The following SNAP91 variants were observed in gnomAD, a reference collection of about 807,000 sequenced individuals.
SNAP91 encodes clathrin coat assembly protein AP180.
SNAP91 carries 27 observed loss-of-function variants against 100.3 expected under a neutral mutation model. That is an observed-to-expected ratio of 0.27 (90% CI 0.20 to 0.37). The LOEUF is 0.37. Among genes scored for constraint, SNAP91 ranks in the 10% least tolerant of loss-of-function variants. The pLI, the probability that SNAP91 is intolerant of heterozygous loss-of-function variation, is 1.00. For synonymous variants in SNAP91, 404 were observed against 398.6 expected (o/e 1.01, Z -0.16); for missense variants, 986 against 1,123.7 (o/e 0.88, Z 1.75).
chr6:83,605,232 A>G (rs998884655), intron 14 of SNAP91, among the ~76,000 whole-genome samples: 2 of 152,158 alleles, frequency 1.3e-5, no homozygotes, highest in African/African-American at 2.4e-5. Context: ...GTCAAATACA[A>G]TGTGAATAAA....
At chr6:83,698,010 C>T (rs967271265) in intron 2 of SNAP91, among the ~76,000 whole-genome samples, 6 of 151,976 alleles carry the variant, frequency 3.9e-5, no homozygotes, top group Admixed American at 3.3e-4. Flanking sequence ...CATGTAGGCA[C>T]TGAAAAGAAA....
intron 8 of SNAP91, among the ~76,000 whole-genome samples, chr6:83,636,897 C>T (rs946261421): frequency 2.0e-5 from 3 of 151,888 alleles, no homozygotes; most frequent in East Asian, 3.9e-4. Flanking sequence ...TATAGTTGAT[C>T]GGTTTCGTTT....
intron 9 of SNAP91, among the ~76,000 whole-genome samples, chr6:83,619,125 C>T (rs2096613846): frequency 6.7e-6 from 1 of 148,712 alleles, no homozygotes; most frequent in Admixed American, 6.7e-5. Context: ...AAAAAAAAAT[C>T]ACAATAGCTG....
Position 83,601,337 on chromosome 6 carries a change from C to G in SNAP91, c.1258G>C (p.Ala420Pro). ...PPTTTAEIAT[A>P]SASASTTTTV... The stretch of plus-strand genomic sequence containing the variant: ...GTAGTAGTGGAGGCAGAAGCTGAGG[C>G]AGTTGCAATTTCAGCAGTTGTAGTA... Residue 420 changes from alanine to proline, a missense_variant, in exon 16 of 30, where the codon GCC (alanine) becomes CCC (proline). Ala to Pro is a conservative substitution (Grantham distance 27, BLOSUM62 -1). Transcript: ENST00000369694. 6.2e-7 allele frequency: 1 copy of G among 1,613,584 alleles called. No individual in the cohort carries two copies. The highest frequency in any genetic ancestry group is 2.2e-5 in the East Asian group (1 of 44,872).
At chr6:83,667,447 G>A (rs1328742201) in intron 2 of SNAP91, among the ~76,000 whole-genome samples, 2 of 151,820 alleles carry the variant, frequency 1.3e-5, no homozygotes, top group African/African-American at 4.8e-5. Context: ...CTTTTATTGA[G>A]TAAGAAATTA....
chr6:83,622,822 G>T (rs1190405680), intron 9 of SNAP91, among the ~76,000 whole-genome samples: 1 of 151,924 alleles, frequency 6.6e-6, no homozygotes, highest in Non-Finnish European at 1.5e-5. Flanking sequence ...TTTATACATG[G>T]ACATTTCTCC....
At chr6:83,598,398 T>C (rs2094750836) in intron 16 of SNAP91, among the ~76,000 whole-genome samples, 1 of 152,196 alleles carries the variant, frequency 6.6e-6, no homozygotes, top group Non-Finnish European at 1.5e-5. Context: ...ATTACTTGTG[T>C]ATCAATAAGA....
intron 9 of SNAP91, among the ~76,000 whole-genome samples, chr6:83,622,142 T>G (rs2128406311): frequency 6.6e-6 from 1 of 152,182 alleles, no homozygotes; most frequent in Middle Eastern, 3.4e-3. Context: ...CACTGTTTTC[T>G]CATAGTAGCA....
chr6:83,692,347 T>C (rs2099141795), intron 2 of SNAP91, among the ~76,000 whole-genome samples: 1 of 152,062 alleles, frequency 6.6e-6, no homozygotes, highest in Non-Finnish European at 1.5e-5. Context: ...AAACCCCATC[T>C]CTACTAAAAA....
At chr6:83,557,526 T>C (rs933887610) in intron 28 of SNAP91, among the ~76,000 whole-genome samples, 2 of 150,448 alleles carry the variant, frequency 1.3e-5, no homozygotes, top group Non-Finnish European at 1.5e-5. Flanking sequence ...AAAAAAAAAA[T>C]AGCTGGGCAC....
At chr6:83,605,862 T>G in intron 13 of SNAP91, 59 bp from the exon 14 acceptor site, 3 of 1,348,856 alleles carry the variant, frequency 2.2e-6, no homozygotes, top group Non-Finnish European at 3.0e-6. Flanking sequence ...TAAAGGTGTT[T>G]TTGAATAAAG....
intron 9 of SNAP91, among the ~76,000 whole-genome samples, chr6:83,617,366 C>G (rs1010999586): frequency 6.6e-6 from 1 of 151,940 alleles, no homozygotes. Context: ...TCTCATAAGA[C>G]CATAGTAAAA....
chr6:83,615,573 G>A (rs920087817), intron 10 of SNAP91, among the ~76,000 whole-genome samples: 5 of 152,016 alleles, frequency 3.3e-5, no homozygotes, highest in African/African-American at 1.2e-4. Context: ...GATCATCCCC[G>A]GCCACGCTGA....
chr6:83,580,372 A>AT, intron 24 of SNAP91, 78 bp downstream of exon 24: 2 of 1,207,310 alleles, frequency 1.7e-6, no homozygotes, highest in Admixed American at 2.3e-5. Context: ...ATGAGATGAG[A>AT]GAGAGAGAGA....
At chr6:83,614,801 T>C (rs1376287262) in intron 11 of SNAP91, 56 bp downstream of exon 11, 2 of 1,364,754 alleles carry the variant, frequency 1.5e-6, no homozygotes, top group Admixed American at 2.0e-5. Context: ...TTAAGAGTGT[T>C]TTTTGCATTT....
intron 7 of SNAP91, among the ~76,000 whole-genome samples, chr6:83,647,629 T>C (rs560253439): frequency 1.7e-4 from 26 of 152,298 alleles, no homozygotes; most frequent in African/African-American, 6.0e-4. Flanking sequence ...ATGAGAGATA[T>C]TGGTCTGTAA....
At chr6:83,671,766 T>C (rs781538134) in intron 2 of SNAP91, among the ~76,000 whole-genome samples, 1 of 152,074 alleles carries the variant, frequency 6.6e-6, no homozygotes, top group Non-Finnish European at 1.5e-5. Flanking sequence ...TAGCAACAAA[T>C]ATAAATAGTT....
intron 8 of SNAP91, among the ~76,000 whole-genome samples, chr6:83,624,102 T>G (rs2096838763): frequency 6.6e-6 from 1 of 152,120 alleles, no homozygotes; most frequent in Non-Finnish European, 1.5e-5. Flanking sequence ...CTGTATGATA[T>G]ACTTGTAGAA....
chr6:83,594,753 G>A (rs2094267272), intron 16 of SNAP91, among the ~76,000 whole-genome samples: 1 of 151,946 alleles, frequency 6.6e-6, no homozygotes, highest in Non-Finnish European at 1.5e-5. Flanking sequence ...TAAGGGCTCT[G>A]AGAAGCATGT....
Sources: gnomAD v4.1 joint callset for allele counts (sites outside exome capture counted in the v4.1 genomes callset) on GRCh38, gnomAD v4.1.1 for gene constraint, MANE v1.5 for transcripts, NCBI Gene and HGNC (gene_info 2026-07-23, HGNC 2026-07-21) for gene names.